Variants in MLLT3 observed in about 807,000 individuals in gnomAD.
The protein encoded by MLLT3 is MLLT3 super elongation complex subunit.
Under a neutral mutation model 53.2 loss-of-function variants are expected in MLLT3, and 4 were observed. That is an observed-to-expected ratio of 0.08 (90% CI 0.04 to 0.17). The LOEUF is 0.17. Among genes scored for constraint, MLLT3 ranks in the 10% least tolerant of loss-of-function variants. The pLI is 1.00. For missense variants in MLLT3, 569 were observed against 684.0 expected (o/e 0.83, Z 1.87); for synonymous variants, 283 against 230.6 (o/e 1.23, Z -2.06).
chr9:20,484,760 T>C (rs1009540288), intron 2 of MLLT3, among the ~76,000 whole-genome samples: 3 of 152,152 alleles, frequency 2.0e-5, no homozygotes, highest in African/African-American at 7.2e-5. Context: ...CAGTGCCTAA[T>C]ATGGTGCTTA....
chr9:20,347,610 T>A lies in MLLT3; in HGVS notation c.1576-1036A>T, dbSNP rs531407884. Among the ~76,000 whole-genome samples the A allele has an allele frequency of 3.3e-5, 5 of 152,322 alleles. No homozygotes were observed. In the South Asian group the frequency reaches 1.0e-3, roughly 32 times the overall value. ...GTAAAGTATCTTCCCATTCCTATTC[T>A]ACTAATAATTTTATTGGACATGGAT... On this transcript the variant is annotated intron_variant, in intron 10 of 10. Transcript: ENST00000380338.
At chr9:20,350,544 G>A (rs918330295) in intron 10 of MLLT3, among the ~76,000 whole-genome samples, 16 of 144,510 alleles carry the variant, frequency 1.1e-4, no homozygotes, top group African/African-American at 2.2e-4. Flanking sequence ...GCAGTGAGCC[G>A]AGATCCCGCC....
intron 2 of MLLT3, among the ~76,000 whole-genome samples, chr9:20,468,632 G>A (rs1299579152): frequency 1.3e-5 from 2 of 152,206 alleles, no homozygotes; most frequent in East Asian, 3.8e-4. Flanking sequence ...CAGGGGACCT[G>A]GTTCTGGCTC....
Position 20,620,643 on chromosome 9 carries a change from T to C in MLLT3, c.193+11A>G. On this transcript the variant is annotated intron_variant, in intron 2 of 10. Transcript: ENST00000380338. The surrounding 1 kb of genome is among the most constrained non-coding windows in gnomAD (Gnocchi z 6.1). Reference sequence around the variant, plus strand: ...ATTTTTTATCAAGACCCTTTTGTATTCGAGCCCTACCTCTTTTTGGCCTAG... The same window carrying C: ...ATTTTTTATCAAGACCCTTTTGTATCCGAGCCCTACCTCTTTTTGGCCTAG... 6.2e-7 allele frequency: 1 copy of C among 1,612,026 alleles called. No homozygotes were observed. Among genetic ancestry groups the C allele is most frequent in the East Asian group, 2.2e-5 (1 of 44,752 alleles).
intron 2 of MLLT3, among the ~76,000 whole-genome samples, chr9:20,461,823 T>C (rs953417008): frequency 9.2e-5 from 14 of 152,192 alleles, no homozygotes; most frequent in African/African-American, 3.4e-4. Context: ...CATGGCCCAG[T>C]TGCCCATTGA....
At chr9:20,459,562 G>A (rs1341729534) in intron 2 of MLLT3, among the ~76,000 whole-genome samples, 1 of 152,196 alleles carries the variant, frequency 6.6e-6, no homozygotes, top group African/African-American at 2.4e-5. Flanking sequence ...TCATTGGAAG[G>A]TAGTTTATTT....
chr9:20,358,502 A>G (rs1238425999), intron 8 of MLLT3, among the ~76,000 whole-genome samples: 4 of 152,214 alleles, frequency 2.6e-5, no homozygotes, highest in Non-Finnish European at 5.9e-5. Flanking sequence ...CCCTCTCCAG[A>G]TAGACGATAC....
intron 2 of MLLT3, among the ~76,000 whole-genome samples, chr9:20,576,958 T>TTTG (rs1819670930): frequency 6.6e-6 from 1 of 152,148 alleles, no homozygotes; most frequent in Non-Finnish European, 1.5e-5. Context: ...CTGGGCAATA[T>TTTG]AGTGAGATCT....
At chr9:20,457,503 C>T (rs1586963134) in intron 2 of MLLT3, among the ~76,000 whole-genome samples, 1 of 152,086 alleles carries the variant, frequency 6.6e-6, no homozygotes, top group Non-Finnish European at 1.5e-5. Flanking sequence ...TCCGCCTCAG[C>T]CTCCCAAAGT....
chr9:20,459,841 C>T (rs1303170177), intron 2 of MLLT3, among the ~76,000 whole-genome samples: 2 of 152,044 alleles, frequency 1.3e-5, no homozygotes, highest in African/African-American at 4.8e-5. Flanking sequence ...ACAATTTCAT[C>T]AATAACAATG....
At chr9:20,542,400 G>A (rs1047951848) in intron 2 of MLLT3, among the ~76,000 whole-genome samples, 4 of 151,944 alleles carry the variant, frequency 2.6e-5, no homozygotes, top group South Asian at 2.1e-4. Context: ...ACAGGCGCCC[G>A]CCACCGCGCC....
intron 2 of MLLT3, among the ~76,000 whole-genome samples, chr9:20,598,942 A>G (rs1183649997): frequency 2.6e-5 from 4 of 152,238 alleles, no homozygotes; most frequent in Non-Finnish European, 5.9e-5. Context: ...TTAAAGGGAA[A>G]AGCACAATAT....
At chr9:20,473,324 T>C (rs1824440674) in intron 2 of MLLT3, among the ~76,000 whole-genome samples, 1 of 152,178 alleles carries the variant, frequency 6.6e-6, no homozygotes, top group Non-Finnish European at 1.5e-5. Flanking sequence ...GAGCATGATG[T>C]ACAATCATCC....
intron 2 of MLLT3, among the ~76,000 whole-genome samples, chr9:20,616,123 A>G (rs534484681): frequency 4.6e-5 from 7 of 152,272 alleles, no homozygotes; most frequent in East Asian, 1.9e-4. Context: ...CTTAAGCCCA[A>G]TAAGTATGAA....
At chr9:20,425,598 A>G (rs1322708475) in intron 4 of MLLT3, among the ~76,000 whole-genome samples, 1 of 152,076 alleles carries the variant, frequency 6.6e-6, no homozygotes, top group African/African-American at 2.4e-5. Context: ...AAACACTTCA[A>G]TTTTCCTTCT....
chr9:20,353,450 G>A (rs1201725093), intron 10 of MLLT3, 75 bp downstream of exon 10: 39 of 1,226,608 alleles, frequency 3.2e-5, no homozygotes, highest in Admixed American at 5.1e-5. Flanking sequence ...TGGCCTCCAG[G>A]TGCTATCACA....
intron 2 of MLLT3, among the ~76,000 whole-genome samples, chr9:20,472,782 T>G (rs918357253): frequency 6.6e-6 from 1 of 152,034 alleles, no homozygotes; most frequent in African/African-American, 2.4e-5. Flanking sequence ...CTTTCTTTAA[T>G]CATATTAGTT....
At chr9:20,577,437 G>A (rs1819682494) in intron 2 of MLLT3, among the ~76,000 whole-genome samples, 1 of 152,112 alleles carries the variant, frequency 6.6e-6, no homozygotes. Flanking sequence ...CTCCAGAGAA[G>A]AAAACACAAC....
At position 20,343,737 on chromosome 9, in the gene MLLT3, C is replaced by A. The variant is rs1820798355; in HGVS notation, c.*2706G>T. On this transcript the variant is annotated 3_prime_UTR_variant, in exon 11 of 11. Transcript: ENST00000380338. ...TGAAACATCTATTTATATATGTACA[C>A]CAAAGAAATTAAACCCTGCCATTTT... is the stretch of plus-strand genomic sequence containing the variant. 1 of 216,302 alleles carries A rather than the reference C, an allele frequency of 4.6e-6. No individual in the cohort carries two copies. The highest frequency in any genetic ancestry group is 6.8e-5 in the East Asian group (1 of 14,680). 13.4% of individuals were successfully genotyped at this position (216,302 alleles called of 1,614,324 possible).
Sources: gnomAD v4.1 joint callset for allele counts (sites outside exome capture counted in the v4.1 genomes callset) on GRCh38, gnomAD v4.1.1 for gene constraint, Gnocchi (gnomAD v3.1) non-coding constraint, MANE v1.5 for transcripts, NCBI Gene and HGNC (gene_info 2026-07-23, HGNC 2026-07-21) for gene names.